The following ZSWIM6 variants were observed in gnomAD, a reference collection of about 807,000 sequenced individuals.
The protein encoded by ZSWIM6 is zinc finger SWIM domain-containing protein 6.
In ZSWIM6, 9 loss-of-function variants were observed where a neutral mutation model predicts 113.2. The observed-to-expected ratio is 0.08, with a 90% CI of 0.05 to 0.14. The LOEUF (loss-of-function observed/expected upper bound fraction) is 0.14. Ranked by LOEUF, ZSWIM6 falls within the 10% of genes least tolerant of loss-of-function variation. The probability of loss-of-function intolerance (pLI) is 1.00; values close to 1 mark genes in which losing one functional copy is unlikely to be tolerated. For synonymous variants in ZSWIM6, 611 were observed against 606.5 expected (o/e 1.01, Z -0.11); for missense variants, 1,162 against 1,552.2 (o/e 0.75, Z 4.22).
At chr5:61,422,604 C>T (rs1400433975) in intron 1 of ZSWIM6, among the ~76,000 whole-genome samples, 9 of 152,036 alleles carry the variant, frequency 5.9e-5, no homozygotes, top group East Asian at 1.9e-4. Context: ...CTGTGAAGAA[C>T]GTCATTGGCA....
At chr5:61,335,725 A>T (rs575801020) in intron 1 of ZSWIM6, among the ~76,000 whole-genome samples, 12 of 152,210 alleles carry the variant, frequency 7.9e-5, no homozygotes, top group African/African-American at 2.9e-4. Context: ...CAATAGGGAA[A>T]ATCTAGTTGT....
intron 4 of ZSWIM6, among the ~76,000 whole-genome samples, chr5:61,510,696 A>G (rs991717534): frequency 2.6e-5 from 4 of 152,154 alleles, no homozygotes; most frequent in Non-Finnish European, 5.9e-5. Flanking sequence ...CAGCAATTTG[A>G]TAATAGCCTT....
At chr5:61,430,375 T>C (rs540481989) in intron 1 of ZSWIM6, among the ~76,000 whole-genome samples, 383 of 152,346 alleles carry the variant, frequency 2.5e-3, no homozygotes, top group African/African-American at 8.8e-3. Flanking sequence ...TTCTCAATTT[T>C]CTATAATATT....
intron 1 of ZSWIM6, among the ~76,000 whole-genome samples, chr5:61,345,980 T>C (rs1355966245): frequency 6.6e-6 from 1 of 152,214 alleles, no homozygotes; most frequent in Non-Finnish European, 1.5e-5. Flanking sequence ...AGTGTCGCTC[T>C]GTGGCCCAGA....
At chr5:61,529,012 T>A (rs939616123) in intron 7 of ZSWIM6, among the ~76,000 whole-genome samples, 1 of 152,232 alleles carries the variant, frequency 6.6e-6, no homozygotes, top group African/African-American at 2.4e-5. Context: ...TATTTTATAT[T>A]GTATGTAAAT....
At chr5:61,459,972 G>A (rs1268874545) in intron 1 of ZSWIM6, among the ~76,000 whole-genome samples, 1 of 152,206 alleles carries the variant, frequency 6.6e-6, no homozygotes, top group Admixed American at 6.5e-5. Context: ...AATATTAATA[G>A]ATATTTCTGG....
intron 1 of ZSWIM6, among the ~76,000 whole-genome samples, chr5:61,424,707 C>T (rs937345642): frequency 1.1e-3 from 162 of 150,886 alleles, no homozygotes; most frequent in African/African-American, 3.5e-3. Context: ...AGTTCTGAGC[C>T]GGTCTACCTA....
At chr5:61,416,600 G>C (rs1442354228) in intron 1 of ZSWIM6, among the ~76,000 whole-genome samples, 1 of 152,200 alleles carries the variant, frequency 6.6e-6, no homozygotes, top group Non-Finnish European at 1.5e-5. Flanking sequence ...TGAATCAAAG[G>C]TTTGATCCCT....
chr5:61,488,733 A>G (rs752581733), intron 2 of ZSWIM6, among the ~76,000 whole-genome samples: 1 of 151,136 alleles, frequency 6.6e-6, no homozygotes, highest in Non-Finnish European at 1.5e-5. Context: ...CACAAACATC[A>G]TTAATTGCCT....
chr5:61,348,178 G>A (rs1265186103), intron 1 of ZSWIM6, among the ~76,000 whole-genome samples: 1 of 152,172 alleles, frequency 6.6e-6, no homozygotes, highest in Non-Finnish European at 1.5e-5. Context: ...CTGAGATCAT[G>A]CCACTGCCCT....
At chr5:61,414,412 A>G (rs897357957) in intron 1 of ZSWIM6, among the ~76,000 whole-genome samples, 1 of 152,200 alleles carries the variant, frequency 6.6e-6, no homozygotes, top group African/African-American at 2.4e-5. Context: ...TTGGGACGTG[A>G]CAAATCAAGG....
chr5:61,491,931 G>A (rs1748189411), intron 3 of ZSWIM6, among the ~76,000 whole-genome samples: 1 of 151,908 alleles, frequency 6.6e-6, no homozygotes. Context: ...ACCATATGTA[G>A]ATTGCAAATT....
chr5:61,508,550 T>C (rs1371550809), intron 4 of ZSWIM6, among the ~76,000 whole-genome samples: 1 of 152,240 alleles, frequency 6.6e-6, no homozygotes. Context: ...TTCTATTTTG[T>C]AATCTAGCAG....
At chr5:61,355,015 G>A (rs751951214) in intron 1 of ZSWIM6, among the ~76,000 whole-genome samples, 3 of 152,104 alleles carry the variant, frequency 2.0e-5, no homozygotes, top group Admixed American at 6.5e-5. Context: ...GGTATCTCAA[G>A]CTGATTTGTC....
At chr5:61,538,084 CA>C (rs1749628790) in intron 10 of ZSWIM6, among the ~76,000 whole-genome samples, 1 of 152,114 alleles carries the variant, frequency 6.6e-6, no homozygotes. Context: ...CCACCACACC[CA>C]ACTGATTTAT....
chr5:61,495,785 T>A (rs545890130), intron 4 of ZSWIM6, among the ~76,000 whole-genome samples: 2 of 152,164 alleles, frequency 1.3e-5, no homozygotes, highest in African/African-American at 4.8e-5. Flanking sequence ...AACTCTAGTA[T>A]AGACTTGATT....
chr5:61,426,457 T>G lies in ZSWIM6; in HGVS notation c.677-46224T>G, dbSNP rs189179962. 2.8e-4 allele frequency among the ~76,000 whole-genome samples: 42 copies of G among 152,340 alleles called. 1 individual carries two copies. The highest frequency in any genetic ancestry group is 8.7e-4 in the African/African-American group (36 of 41,578). On this transcript the variant is annotated intron_variant, in intron 1 of 13. Coordinates refer to ENST00000252744, the MANE Select transcript of ZSWIM6 (RefSeq NM_020928.2). ...GCACTTATATATGCAAGCAATATTG[T>G]TTTTCCAAACCATTTTGGAATATTT...
At chr5:61,520,903 T>C (rs1749098586) in intron 4 of ZSWIM6, among the ~76,000 whole-genome samples, 1 of 152,108 alleles carries the variant, frequency 6.6e-6, no homozygotes, top group Non-Finnish European at 1.5e-5. Flanking sequence ...GTCTAAAATG[T>C]CATACAAGTA....
chr5:61,443,943 TA>T (rs1203265523), intron 1 of ZSWIM6, among the ~76,000 whole-genome samples: 1 of 152,160 alleles, frequency 6.6e-6, no homozygotes, highest in Non-Finnish European at 1.5e-5. Context: ...TAAGACTTTT[TA>T]AAAAATTTTA....
Sources: allele counts gnomAD v4.1 joint callset (sites outside exome capture counted in the v4.1 genomes callset), GRCh38; gene constraint gnomAD v4.1.1; transcripts MANE v1.5; gene names NCBI Gene and HGNC (gene_info 2026-07-23, HGNC 2026-07-21).